Variants in GOLM2 observed in about 807,000 individuals in gnomAD.
GOLM2 encodes the protein protein GOLM2.
A neutral mutation model predicts 55.9 loss-of-function variants in GOLM2; 26 were observed. The ratio of observed to expected loss-of-function variants is 0.47; its 90% CI spans 0.34 to 0.65. The LOEUF is 0.65. GOLM2 is among the 30% of genes least tolerant of loss of function. The pLI, the probability that GOLM2 is intolerant of heterozygous loss-of-function variation, is 0.01. For missense variants in GOLM2, 486 were observed against 531.8 expected, an observed-to-expected ratio of 0.91 and a Z score of 0.85; for synonymous variants, 165 against 194.6, an observed-to-expected ratio of 0.85 and a Z score of 1.27.
chr15:44,336,791 C>T (rs1037621266), intron 4 of GOLM2, among the ~76,000 whole-genome samples: 3 of 151,976 alleles, frequency 2.0e-5, no homozygotes, highest in Non-Finnish European at 4.4e-5. Flanking sequence ...TGGTGGGCAC[C>T]TGTAGTCCCA....
intron 6 of GOLM2, 119 bp downstream of exon 6, chr15:44,338,436 A>G (rs751038264): frequency 1.4e-4 from 103 of 722,982 alleles, no homozygotes; most frequent in Admixed American, 2.5e-4. Flanking sequence ...CGATATTTCT[A>G]CTTAATTAAG....
rs891525902 is a variant in GOLM2 at position 44,334,504 on chromosome 15, G to C, written c.576+2426G>C. On this transcript the variant is annotated intron_variant, in intron 4 of 9. Transcript: ENST00000299957. The stretch of plus-strand genomic sequence containing the variant: ...GCCCGCAGGCTGAATTCAGCTTGCT[G>C]CCTGCTTTCGTACTGTTTAGAGGCC... Among the ~76,000 whole-genome samples the C allele has an allele frequency of 7.9e-5, 12 of 152,282 alleles. No homozygotes were observed. The South Asian group carries it at 8.3e-4, about 11-fold the overall frequency.
intron 3 of GOLM2, among the ~76,000 whole-genome samples, chr15:44,329,497 T>G (rs1213394196): frequency 6.6e-6 from 1 of 152,194 alleles, no homozygotes; most frequent in Non-Finnish European, 1.5e-5. Flanking sequence ...ATTAAAGATT[T>G]AACGTATGTA....
chr15:44,310,315 G>C (rs2078864508), intron 1 of GOLM2, among the ~76,000 whole-genome samples: 2 of 151,824 alleles, frequency 1.3e-5, no homozygotes, highest in Admixed American at 1.3e-4. Context: ...ATCACCAAGG[G>C]ATGAAAGGGT....
At position 44,289,447 on chromosome 15, in the gene GOLM2, G is replaced by T. The variant is rs971254825; in HGVS notation, c.327+91G>T. On this transcript the variant is annotated intron_variant, in intron 1 of 9. Coordinates refer to ENST00000299957, the MANE Select transcript of GOLM2 (RefSeq NM_138423.4). The surrounding 1 kb of genome is among the most constrained non-coding windows in gnomAD (Gnocchi z 4.8). ...GTTAATCCGCTAGCTGTTGTCTTAT[G>T]CCTTCCAGTATTTCAGTCCTGAAGG... 158 of 1,194,072 alleles carry T rather than the reference G, an allele frequency of 1.3e-4. No individual in the cohort carries two copies. The highest frequency in any genetic ancestry group is 9.7e-4 in the Middle Eastern group (5 of 5,146). 74.0% of individuals were successfully genotyped at this position (1,194,072 alleles called of 1,614,324 possible).
chr15:44,341,429 G>A (rs1052894958), intron 6 of GOLM2, among the ~76,000 whole-genome samples: 1 of 152,004 alleles, frequency 6.6e-6, no homozygotes, highest in Non-Finnish European at 1.5e-5. Context: ...TACTCTAAAT[G>A]TGTAATGTCT....
chr15:44,415,151 C>T lies in GOLM2; in HGVS notation c.*1745C>T, dbSNP rs569488209. On this transcript the variant is annotated 3_prime_UTR_variant, in exon 10 of 10. Coordinates refer to ENST00000299957, the MANE Select transcript of GOLM2 (RefSeq NM_138423.4). ...ACTTCTGTTTGAAATTGCTCAATGA[C>T]TAGGAAAAGATGTAGTAGTTTACTA... The T allele has an allele frequency of 6.6e-6, 1 of 152,578 alleles. No individual in the cohort carries two copies. Among genetic ancestry groups the T allele is most frequent in the South Asian group, 2.1e-4 (1 of 4,828 alleles). 9.5% of individuals were successfully genotyped at this position (152,578 alleles called of 1,614,324 possible). A position where few individuals can be genotyped will look rare whatever the true frequency, so the allele number is the denominator to read the frequency against.
chr15:44,368,744 CATATACATATAT>C (rs1238305863), intron 6 of GOLM2, among the ~76,000 whole-genome samples: 1 of 151,206 alleles, frequency 6.6e-6, no homozygotes, highest in Non-Finnish European at 1.5e-5. Context: ...TATACATATA[CATATACATATAT>C]ATATAAACAG....
intron 6 of GOLM2, among the ~76,000 whole-genome samples, chr15:44,353,091 T>G (rs183286324): frequency 1.7e-3 from 264 of 152,252 alleles, no homozygotes; most frequent in Admixed American, 4.1e-3. Context: ...AATAGACATA[T>G]GTCAAAAGAA....
In GOLM2 at chr15:44,379,885, A is replaced by C. The variant is rs938085979; in HGVS notation, c.901+97A>C. 5.5e-5 allele frequency: 33 copies of C among 604,314 alleles called. No homozygotes were observed. The African/African-American group carries it at 6.2e-4, about 11-fold the overall frequency. The allele number at this position is 604,314 out of a possible 1,614,324, so 37.4% of individuals were successfully genotyped here. On this transcript the variant is annotated intron_variant, in intron 7 of 9. Coordinates refer to ENST00000299957, the MANE Select transcript of GOLM2 (RefSeq NM_138423.4). ...AATATATCACTTAGCAGTATAGTGAAATAGCATTTATTCTTTGAGGTAATG... is the reference window on the plus strand; with the variant it reads ...AATATATCACTTAGCAGTATAGTGACATAGCATTTATTCTTTGAGGTAATG...
chr15:44,372,552 A>C (rs1241506320), intron 6 of GOLM2, among the ~76,000 whole-genome samples: 1 of 152,042 alleles, frequency 6.6e-6, no homozygotes, highest in Non-Finnish European at 1.5e-5. Flanking sequence ...AGAAATGTTT[A>C]CTCTGAATTT....
Position 44,328,549 on chromosome 15 carries a change from T to C in GOLM2, c.383-136T>C, listed in dbSNP as rs2078999969. The C allele has an allele frequency of 7.1e-6, 4 of 566,472 alleles. No homozygotes were observed. The East Asian group carries it at 9.0e-5, about 13-fold the overall frequency. The allele number at this position is 566,472 out of a possible 1,614,324, so 35.1% of individuals were successfully genotyped here. ...AGGATATTAAATGTGGTGTTTGTTA[T>C]ATAATTTAATTTCCTGGGAGTATTA... On this transcript the variant is annotated intron_variant, in intron 2 of 9. Coordinates refer to ENST00000299957, the MANE Select transcript of GOLM2 (RefSeq NM_138423.4).
chr15:44,340,307 T>A (rs2079083064), intron 6 of GOLM2, among the ~76,000 whole-genome samples: 1 of 152,012 alleles, frequency 6.6e-6, no homozygotes. Context: ...AGGGTCTCAT[T>A]CTGTTGCCCA....
chr15:44,317,063 C>T lies in GOLM2; in HGVS notation c.328-5902C>T, dbSNP rs199884364. ...CCAATGTATAAGAATATGAAAGAGA[C>T]AGTTCAGGGAAGCTGAAGCCACTCA... On this transcript the variant is annotated intron_variant, in intron 1 of 9. Coordinates refer to ENST00000299957, the MANE Select transcript of GOLM2 (RefSeq NM_138423.4). Among the ~76,000 whole-genome samples the T allele has an allele frequency of 9.9e-5, 15 of 152,226 alleles. No homozygotes were observed. In the East Asian group the frequency reaches 2.7e-3, roughly 27 times the overall value.
At chr15:44,336,870 C>T (rs1034273123) in intron 4 of GOLM2, among the ~76,000 whole-genome samples, 2 of 151,990 alleles carry the variant, frequency 1.3e-5, no homozygotes, top group African/African-American at 4.8e-5. Context: ...GAGCCGAGAT[C>T]GCGCCACTGC....
At chr15:44,410,204 C>A (rs1475509726) in intron 9 of GOLM2, among the ~76,000 whole-genome samples, 1 of 151,884 alleles carries the variant, frequency 6.6e-6, no homozygotes, top group Non-Finnish European at 1.5e-5. Flanking sequence ...TTTGGGAGGC[C>A]GAGGCGGGCG....
intron 1 of GOLM2, among the ~76,000 whole-genome samples, chr15:44,295,210 G>C (rs1011546570): frequency 1.3e-5 from 2 of 151,990 alleles, no homozygotes; most frequent in African/African-American, 4.8e-5. Context: ...CTCCTGAGTA[G>C]CTGAGACTAC....
At chr15:44,291,194 A>G (rs1444372765) in intron 1 of GOLM2, among the ~76,000 whole-genome samples, 1 of 150,104 alleles carries the variant, frequency 6.7e-6, no homozygotes, top group African/African-American at 2.5e-5. Context: ...GATGCACTAT[A>G]GCATTGAAAT....
chr15:44,407,724 C>T (rs1001852217), intron 9 of GOLM2, among the ~76,000 whole-genome samples: 1 of 151,546 alleles, frequency 6.6e-6, no homozygotes, highest in African/African-American at 2.4e-5. Flanking sequence ...GTTGGGATCA[C>T]AGGCGTGAGC....
Sources: allele counts gnomAD v4.1 joint callset (sites outside exome capture counted in the v4.1 genomes callset), GRCh38; gene constraint gnomAD v4.1.1; non-coding constraint Gnocchi (gnomAD v3.1); transcripts MANE v1.5; gene names NCBI Gene and HGNC (gene_info 2026-07-23, HGNC 2026-07-21).